GKAP1: variants seen among roughly 807,000 people sequenced by gnomAD.
GKAP1 encodes the protein G kinase-anchoring protein 1.
A neutral mutation model predicts 56.7 loss-of-function variants in GKAP1; 31 were observed. The ratio of observed to expected loss-of-function variants is 0.55; its 90% CI spans 0.41 to 0.74. The LOEUF (loss-of-function observed/expected upper bound fraction) is 0.74, where lower values mean the gene tolerates loss of function less well. Among genes scored for constraint, GKAP1 ranks in the 30% least tolerant of loss-of-function variants. GKAP1 has a pLI of 0.00. For missense variants in GKAP1, 364 were observed against 402.3 expected, an observed-to-expected ratio of 0.90 and a Z score of 0.82; for synonymous variants, 151 against 138.6, an observed-to-expected ratio of 1.09 and a Z score of -0.63.
chr9:83,785,820 T>C (rs1191284869), intron 5 of GKAP1, among the ~76,000 whole-genome samples: 1 of 152,186 alleles, frequency 6.6e-6, no homozygotes, highest in Non-Finnish European at 1.5e-5. Context: ...GTTAAAATGA[T>C]TAAACAGCTT....
intron 10 of GKAP1, among the ~76,000 whole-genome samples, chr9:83,746,080 T>G (rs1359448473): frequency 2.6e-5 from 4 of 152,084 alleles, no homozygotes; most frequent in African/African-American, 7.2e-5. Context: ...CATGAGCCAC[T>G]GCGCCTGGCC....
At chr9:83,761,146 CAAAAA>C (rs1943564023) in intron 8 of GKAP1, among the ~76,000 whole-genome samples, 1 of 146,034 alleles carries the variant, frequency 6.8e-6, no homozygotes, top group Non-Finnish European at 1.5e-5. Context: ...AAAATTAAAA[CAAAAA>C]ACATCAAAAA....
At chr9:83,809,345 C>A (rs1232047369) in intron 2 of GKAP1, among the ~76,000 whole-genome samples, 1 of 152,214 alleles carries the variant, frequency 6.6e-6, no homozygotes, top group African/African-American at 2.4e-5. Context: ...CTTCCAGATA[C>A]AAGAAACCTC....
At chr9:83,763,679 C>T (rs1431183258) in intron 8 of GKAP1, among the ~76,000 whole-genome samples, 2 of 152,166 alleles carry the variant, frequency 1.3e-5, no homozygotes, top group African/African-American at 4.8e-5. Flanking sequence ...ATTACTATAG[C>T]ATTTTAACAG....
At chr9:83,739,800 A>T (rs1301410740) in intron 12 of GKAP1, 56 bp from the exon 13 acceptor site, 1 of 1,418,076 alleles carries the variant, frequency 7.1e-7, no homozygotes, top group East Asian at 2.3e-5. Flanking sequence ...TTTTGGGACC[A>T]CTTCATTTAA....
At position 83,806,533 on chromosome 9, in the gene GKAP1, T is replaced by G; in HGVS notation, c.-16A>C. 6.2e-7 allele frequency: 1 copy of G among 1,604,150 alleles called. No individual in the cohort carries two copies. The highest frequency in any genetic ancestry group is 8.5e-7 in the Non-Finnish European group (1 of 1,173,924). On this transcript the variant is annotated 5_prime_UTR_variant, in exon 3 of 13. Transcript: ENST00000376371. ...CTGAGGCCATCGTAAAGATTTTTCT[T>G]TTAAAATACTTCTGTCAAGAATAAT...
intron 7 of GKAP1, among the ~76,000 whole-genome samples, chr9:83,770,963 A>C (rs1943749506): frequency 6.6e-6 from 1 of 152,186 alleles, no homozygotes; most frequent in Non-Finnish European, 1.5e-5. Flanking sequence ...TATATTAGAA[A>C]TTTTACATTC....
intron 2 of GKAP1, among the ~76,000 whole-genome samples, chr9:83,812,992 T>C (rs1944533564): frequency 6.6e-6 from 1 of 152,222 alleles, no homozygotes; most frequent in Non-Finnish European, 1.5e-5. Flanking sequence ...TTTTTAATCT[T>C]GATAAGAAGA....
rs533620066 is a variant in GKAP1 at position 83,742,153 on chromosome 9, C to A, written c.976-124G>T. 136 of 670,128 alleles carry A rather than the reference C, an allele frequency of 2.0e-4. No homozygotes were observed. In the African/African-American group the frequency reaches 2.2e-3, roughly 11 times the overall value. The allele number at this position is 670,128 out of a possible 1,614,324, so 41.5% of individuals were successfully genotyped here. A position where few individuals can be genotyped will look rare whatever the true frequency, so the allele number is the denominator to read the frequency against. On this transcript the variant is annotated intron_variant, in intron 11 of 12. Transcript: ENST00000376371. ...GGATGAGTAACAGAGAAGCTCCCCC[C>A]ATAATTTCCATTTGGTATTGTACAC...
chr9:83,803,656 G>T (rs1380371566), intron 3 of GKAP1, among the ~76,000 whole-genome samples: 4 of 152,138 alleles, frequency 2.6e-5, no homozygotes, highest in African/African-American at 4.8e-5. Context: ...CAAGATTGCA[G>T]CCTCTGCCCG....
chr9:83,768,575 C>G (rs887055939), intron 8 of GKAP1, among the ~76,000 whole-genome samples: 4 of 152,172 alleles, frequency 2.6e-5, no homozygotes, highest in Non-Finnish European at 5.9e-5. Context: ...CATACGAGTG[C>G]CTAACAGTAC....
intron 12 of GKAP1, among the ~76,000 whole-genome samples, chr9:83,741,498 C>CA (rs930821928): frequency 6.6e-6 from 1 of 151,534 alleles, no homozygotes; most frequent in South Asian, 2.1e-4. Flanking sequence ...TTTGCAATCA[C>CA]AAAAAAAGGC....
intron 10 of GKAP1, among the ~76,000 whole-genome samples, chr9:83,744,024 G>C (rs905187018): frequency 6.6e-6 from 1 of 152,162 alleles, no homozygotes; most frequent in African/African-American, 2.4e-5. Flanking sequence ...CTCTGCCAAT[G>C]TAAGATTGTA....
At chr9:83,796,593 G>A (rs143445329) in intron 4 of GKAP1, among the ~76,000 whole-genome samples, 1 of 151,960 alleles carries the variant, frequency 6.6e-6, no homozygotes, top group Non-Finnish European at 1.5e-5. Context: ...TCAGTCTCCC[G>A]AGTACCTGGG....
intron 7 of GKAP1, among the ~76,000 whole-genome samples, chr9:83,779,500 CACATATATGTGTAT>C (rs1564201610): frequency 9.4e-6 from 1 of 105,978 alleles, no homozygotes; most frequent in African/African-American, 3.2e-5. Context: ...TACACATATA[CACATATATGTGTAT>C]ATATATACAC....
intron 10 of GKAP1, among the ~76,000 whole-genome samples, chr9:83,746,471 G>C (rs1435944953): frequency 6.6e-6 from 1 of 152,122 alleles, no homozygotes; most frequent in Non-Finnish European, 1.5e-5. Context: ...GGGAGGCCGA[G>C]GCGGGTGGAT....
intron 3 of GKAP1, among the ~76,000 whole-genome samples, chr9:83,804,395 TG>T (rs1247004275): frequency 0.024 from 1,130 of 46,908 alleles, 32 homozygotes; most frequent in African/African-American, 0.088. Flanking sequence ...GGGAGGGAGG[TG>T]GGGGGGGTCA....
At chr9:83,783,761 G>T (rs1474878140) in intron 6 of GKAP1, among the ~76,000 whole-genome samples, 2 of 152,020 alleles carry the variant, frequency 1.3e-5, no homozygotes, top group African/African-American at 4.8e-5. Context: ...TTATGTATAA[G>T]GAAAAAAATA....
At chr9:83,750,781 A>G (rs1943375899) in intron 9 of GKAP1, among the ~76,000 whole-genome samples, 1 of 152,192 alleles carries the variant, frequency 6.6e-6, no homozygotes, top group Non-Finnish European at 1.5e-5. Context: ...CGTGCCAGCT[A>G]CTTAATAATT....
Sources: gnomAD v4.1 joint callset for allele counts (sites outside exome capture counted in the v4.1 genomes callset) on GRCh38, gnomAD v4.1.1 for gene constraint, MANE v1.5 for transcripts, NCBI Gene and HGNC (gene_info 2026-07-23, HGNC 2026-07-21) for gene names.